PIPOX: variants seen among roughly 807,000 people sequenced by gnomAD.
The protein encoded by PIPOX is peroxisomal sarcosine oxidase.
In PIPOX, 45 loss-of-function variants were observed where a neutral mutation model predicts 47.9. The ratio of observed to expected loss-of-function variants is 0.94; its 90% CI spans 0.74 to 1.20. The LOEUF (loss-of-function observed/expected upper bound fraction) is 1.20. Among genes scored for constraint, PIPOX ranks in the 50% most tolerant of loss-of-function variants. PIPOX has a pLI of 0.00. For missense variants in PIPOX, 458 were observed against 498.4 expected, an observed-to-expected ratio of 0.92 and a Z score of 0.77; for synonymous variants, 165 against 191.3, an observed-to-expected ratio of 0.86 and a Z score of 1.13.
Position 29,044,907 on chromosome 17 carries a change from A to C in PIPOX, c.163A>C (p.Ile55Leu). Residue 55 changes from isoleucine (I) to leucine (L), a missense_variant, in exon 2 of 8, where the codon ATC (isoleucine) becomes CTC (leucine). By Grantham distance (5) the Ile-to-Leu change is conservative. Coordinates refer to ENST00000323372, the MANE Select transcript of PIPOX (RefSeq NM_016518.3). ...AAGCTCCCATGGACAAAGCCGGATA[A>C]TCCGAAAGGCGTACCTGGAAGACTT... ...RGSSHGQSRI[I>L]RKAYLEDFYT... 1 of 1,614,154 alleles carries C rather than the reference A, an allele frequency of 6.2e-7. No homozygotes were observed. Among genetic ancestry groups the C allele is most frequent in the East Asian group, 2.2e-5 (1 of 44,884 alleles).
At position 29,056,238 on chromosome 17, in the gene PIPOX, C is replaced by A; in HGVS notation, c.1106C>A (p.Thr369Lys). 6.2e-7 allele frequency: 1 copy of A among 1,614,200 alleles called. No homozygotes were observed. Among genetic ancestry groups the A allele is most frequent in the Non-Finnish European group, 8.5e-7 (1 of 1,180,018 alleles). The change falls in exon 8 of 8, where the codon ACA becomes AAA. Residue 369 changes from threonine (T) to lysine (K), a missense_variant. Transcript: ENST00000323372. ...CTGTATGAATTAAGCATGAAATTAA[C>A]ACCATCTTATGACTTGGCACCTTTT... ...KILYELSMKL[T>K]PSYDLAPFRI... is the part of the protein sequence containing the mutation.
intron 6 of PIPOX, 81 bp downstream of exon 6, chr17:29,055,302 G>C: frequency 2.0e-6 from 3 of 1,529,108 alleles, no homozygotes; most frequent in Non-Finnish European, 2.7e-6. Context: ...CACTGGCCAG[G>C]CCCGATTGTT....
At chr17:29,049,959 A>T (rs1039508567) in intron 2 of PIPOX, among the ~76,000 whole-genome samples, 2 of 152,226 alleles carry the variant, frequency 1.3e-5, no homozygotes, top group African/African-American at 4.8e-5. Context: ...CGGCAGAATC[A>T]GCTCGCTGAT....
Position 29,054,440 on chromosome 17 carries a change from G to A in PIPOX, c.661-105G>A, listed in dbSNP as rs1598240068. 5 of 1,228,500 alleles carry A rather than the reference G, an allele frequency of 4.1e-6. No individual in the cohort carries two copies. In the East Asian group the frequency reaches 7.0e-5, roughly 17 times the overall value. The allele number at this position is 1,228,500 out of a possible 1,614,324, so 76.1% of individuals were successfully genotyped here. A position where few individuals can be genotyped will look rare whatever the true frequency, so the allele number is the denominator to read the frequency against. Reference sequence around the variant, plus strand: ...CAAACATGGATGAGTTCAACTGGGTGTCCAGGCTTGTGTTAGAGGGCCGCA... The same window carrying A: ...CAAACATGGATGAGTTCAACTGGGTATCCAGGCTTGTGTTAGAGGGCCGCA... On this transcript the variant is annotated intron_variant, in intron 4 of 7. Transcript: ENST00000323372.
chr17:29,046,652 A>G (rs2065786536), intron 2 of PIPOX: 1 of 985,350 alleles, frequency 1.0e-6, no homozygotes, highest in Non-Finnish European at 1.2e-6. Context: ...GATGGGTGCA[A>G]CAACCACAGA....
At chr17:29,051,123 G>GA (rs201326021) in intron 2 of PIPOX, among the ~76,000 whole-genome samples, 178 of 146,066 alleles carry the variant, frequency 1.2e-3, no homozygotes, top group Non-Finnish European at 2.0e-3. Context: ...TCTGTCTTGG[G>GA]AAAAAAAAAA....
At chr17:29,053,302 A>G in intron 3 of PIPOX, 111 bp from the exon 4 acceptor site, 1 of 1,256,866 alleles carries the variant, frequency 8.0e-7, no homozygotes, top group Non-Finnish European at 1.1e-6. Context: ...TTGTCAATAC[A>G]GGACAGGTCT....
chr17:29,045,102 C>T lies in PIPOX; in HGVS notation c.263+95C>T, dbSNP rs111436134. On this transcript the variant is annotated intron_variant, in intron 2 of 7. Transcript: ENST00000323372. ...GCAGCGCCATGGAACATTTGGAATG[C>T]AATGGGAGGGACACAAGGCCTCAAG... is the stretch of plus-strand genomic sequence containing the variant. The T allele has an allele frequency of 4.4e-4, 590 of 1,352,294 alleles. 1 individual carries two copies. In the African/African-American group the frequency reaches 7.6e-3, roughly 17 times the overall value. The allele number at this position is 1,352,294 out of a possible 1,614,324, so 83.8% of individuals were successfully genotyped here.
intron 5 of PIPOX, 132 bp downstream of exon 5, chr17:29,054,823 T>G: frequency 8.6e-7 from 1 of 1,168,864 alleles, no homozygotes; most frequent in Non-Finnish European, 1.2e-6. Flanking sequence ...CATGGCGATT[T>G]GCAAGGAAAG....
intron 2 of PIPOX, among the ~76,000 whole-genome samples, chr17:29,049,993 C>T (rs970885164): frequency 2.6e-5 from 4 of 152,324 alleles, no homozygotes; most frequent in East Asian, 1.9e-4. Context: ...GGGGAGCTCC[C>T]GCTTCATCCA....
chr17:29,056,374 A>G lies in PIPOX; in HGVS notation c.*69A>G, dbSNP rs1032550894. ...ACAGATGGAGAAGATGTCTCAGATG[A>G]AGGGAGTGTCCCTGAGATATCATCC... On this transcript the variant is annotated 3_prime_UTR_variant, in exon 8 of 8. Transcript: ENST00000323372. 134 of 1,568,824 alleles carry G rather than the reference A, an allele frequency of 8.5e-5. 3 individuals carry two copies. The South Asian group carries it at 1.4e-3, about 17-fold the overall frequency.
At chr17:29,049,746 G>A (rs560329370) in intron 2 of PIPOX, among the ~76,000 whole-genome samples, 2 of 152,306 alleles carry the variant, frequency 1.3e-5, no homozygotes, top group South Asian at 2.1e-4. Flanking sequence ...GCAGCGCACG[G>A]TTTCCCTCAG....
intron 3 of PIPOX, 71 bp downstream of exon 3, chr17:29,053,204 C>G (rs545366607): frequency 7.0e-7 from 1 of 1,430,964 alleles, no homozygotes; most frequent in South Asian, 1.2e-5. Context: ...AAGCAGCCAG[C>G]CCAAGACCCC....
intron 2 of PIPOX, chr17:29,046,493 G>A: frequency 1.5e-6 from 1 of 677,264 alleles, no homozygotes; most frequent in South Asian, 6.6e-5. Flanking sequence ...TTTACGATAG[G>A]GCTCTGAGAG....
At chr17:29,045,506 G>T (rs2065782429) in intron 2 of PIPOX, among the ~76,000 whole-genome samples, 1 of 142,478 alleles carries the variant, frequency 7.0e-6, no homozygotes, top group African/African-American at 2.6e-5. Context: ...CACCTCCCGG[G>T]TTCAAGTGAT....
At chr17:29,044,150 A>G (rs1304161473) in intron 1 of PIPOX, 1 of 152,250 alleles carries the variant, frequency 6.6e-6, no homozygotes, top group Non-Finnish European at 1.5e-5. Flanking sequence ...CCTCTCAGGA[A>G]ACTCATTGTT....
chr17:29,049,742 C>T (rs1598237458), intron 2 of PIPOX, among the ~76,000 whole-genome samples: 1 of 152,306 alleles, frequency 6.6e-6, no homozygotes, highest in East Asian at 1.9e-4. Context: ...TCCAGCAGCG[C>T]ACGGTTTCCC....
At chr17:29,045,904 C>T (rs1403761397) in intron 2 of PIPOX, among the ~76,000 whole-genome samples, 1 of 152,152 alleles carries the variant, frequency 6.6e-6, no homozygotes, top group Non-Finnish European at 1.5e-5. Flanking sequence ...TGGCTCTCTC[C>T]AACCCTTGAC....
intron 1 of PIPOX, among the ~76,000 whole-genome samples, chr17:29,043,642 C>T (rs1000057479): frequency 3.3e-5 from 5 of 152,140 alleles, no homozygotes; most frequent in African/African-American, 9.7e-5. Flanking sequence ...CCCTTCTGTG[C>T]CCAAATGGTT....
Sources: allele counts gnomAD v4.1 joint callset (sites outside exome capture counted in the v4.1 genomes callset), GRCh38; gene constraint gnomAD v4.1.1; transcripts MANE v1.5; gene names NCBI Gene and HGNC (gene_info 2026-07-23, HGNC 2026-07-21).